KIF6: variants seen among roughly 807,000 people sequenced by gnomAD.
The protein encoded by KIF6 is kinesin-like protein KIF6.
In KIF6, 106 loss-of-function variants were observed where a neutral mutation model predicts 112.7. The observed-to-expected ratio is 0.94, with a 90% confidence interval of 0.80 to 1.11. KIF6 has a LOEUF of 1.11. KIF6 is among the 50% of genes least tolerant of loss of function. The pLI is 0.00. For synonymous variants in KIF6, 339 were observed against 339.9 expected, an observed-to-expected ratio of 1.00 and a Z score of 0.03; for missense variants, 929 against 964.0, an observed-to-expected ratio of 0.96 and a Z score of 0.48.
At chr6:39,534,076 A>G (rs1168941371) in intron 13 of KIF6, among the ~76,000 whole-genome samples, 2 of 152,222 alleles carry the variant, frequency 1.3e-5, no homozygotes, top group Non-Finnish European at 2.9e-5. Context: ...CAGCATCATC[A>G]AAGACCAAAA....
intron 2 of KIF6, among the ~76,000 whole-genome samples, chr6:39,717,772 G>C (rs1043717292): frequency 4.6e-5 from 7 of 152,074 alleles, no homozygotes; most frequent in African/African-American, 1.7e-4. Context: ...GGGGAAAACA[G>C]CCTTTAAAAT....
intron 15 of KIF6, among the ~76,000 whole-genome samples, chr6:39,415,621 G>C (rs1480487140): frequency 6.6e-6 from 1 of 152,222 alleles, no homozygotes; most frequent in Non-Finnish European, 1.5e-5. Flanking sequence ...AAACAGCCTG[G>C]ATGTTGTCTT....
intron 13 of KIF6, among the ~76,000 whole-genome samples, chr6:39,487,990 C>CATCTATCTATCTATCTATCTATCTATCT (rs1464871982): frequency 0.033 from 4,972 of 150,914 alleles, 119 homozygotes; most frequent in East Asian, 0.063. Context: ...CATTTATAGG[C>CATCTATCTATCTATCTATCTATCTATCT]ATCTATCTAT....
chr6:39,342,621 AT>A lies in KIF6; in HGVS notation c.2428+1087del, dbSNP rs962757165. Among the ~76,000 whole-genome samples, 2 of 84,604 alleles carry A rather than the reference AT, an allele frequency of 2.4e-5. No individual in the cohort carries two copies. Among genetic ancestry groups the A allele is most frequent in the Admixed American group, 9.6e-5 (1 of 10,426 alleles). 55.5% of individuals were successfully genotyped at this position (84,604 alleles called of 152,430 possible). ...TTTTTATTTTTTTTTATTTTTTTTT[AT>A]TTTTTTTTATTTTTAGACAAGGAAA... On this transcript the variant is annotated intron_variant, in intron 22 of 22. Coordinates refer to ENST00000287152, the MANE Select transcript of KIF6 (RefSeq NM_145027.6). This position sits in a 1 kb window ranked among gnomAD's most constrained non-coding sequence, Gnocchi z 4.7.
At chr6:39,498,875 G>A (rs1213642489) in intron 13 of KIF6, among the ~76,000 whole-genome samples, 1 of 152,194 alleles carries the variant, frequency 6.6e-6, no homozygotes, top group African/African-American at 2.4e-5. Flanking sequence ...GTAGGTAAAT[G>A]AGAGTGGCAT....
chr6:39,536,530 C>T (rs1582078680), intron 13 of KIF6, among the ~76,000 whole-genome samples: 1 of 152,064 alleles, frequency 6.6e-6, no homozygotes, highest in South Asian at 2.1e-4. Flanking sequence ...AGTTGAATCT[C>T]TGAATAGACC....
intron 13 of KIF6, among the ~76,000 whole-genome samples, chr6:39,530,984 T>G (rs13199465): frequency 0.09 from 13,748 of 152,190 alleles, 907 homozygotes; most frequent in South Asian, 0.2. Context: ...GCCGCCTTGA[T>G]TCATCCACAA....
At chr6:39,475,213 T>C (rs1182058310) in intron 13 of KIF6, among the ~76,000 whole-genome samples, 2 of 152,134 alleles carry the variant, frequency 1.3e-5, no homozygotes, top group Non-Finnish European at 2.9e-5. Context: ...TGGGTGGAGA[T>C]GGAAATAATT....
At position 39,714,682 on chromosome 6, in the gene KIF6, G is replaced by A. The variant is rs375320829; in HGVS notation, c.251+10C>T. 2 of 1,608,894 alleles carry A rather than the reference G, an allele frequency of 1.2e-6. No homozygotes were observed. Among genetic ancestry groups the A allele is most frequent in the South Asian group, 1.1e-5 (1 of 90,862 alleles). ...CACGAGCCCACTGAACAAAATATGG[G>A]AAATCCTACCTCCCAGCAACTGGTT... On this transcript the variant is annotated intron_variant, in intron 3 of 22. Coordinates refer to ENST00000287152, the MANE Select transcript of KIF6 (RefSeq NM_145027.6).
chr6:39,473,859 G>A (rs1774273870), intron 13 of KIF6, among the ~76,000 whole-genome samples: 1 of 152,054 alleles, frequency 6.6e-6, no homozygotes, highest in South Asian at 2.1e-4. Flanking sequence ...GATTAATTTG[G>A]TAACATGAGT....
chr6:39,715,996 T>G (rs1381152058), intron 2 of KIF6, among the ~76,000 whole-genome samples: 2 of 152,144 alleles, frequency 1.3e-5, no homozygotes, highest in Non-Finnish European at 2.9e-5. Flanking sequence ...AGGAGAATGA[T>G]GATAACGCTG....
In KIF6 at chr6:39,336,199, C is replaced by G. The variant is rs1250432271; in HGVS notation, c.*333G>C. On this transcript the variant is annotated 3_prime_UTR_variant, in exon 23 of 23. Transcript: ENST00000287152. The stretch of plus-strand genomic sequence containing the variant: ...ATTATATTTTGATGGTGCTATTTCA[C>G]ATTCTCAAAAGCTTATAAAGATCTA... The G allele has an allele frequency of 4.1e-6, 1 of 242,162 alleles. No homozygotes were observed. The highest frequency in any genetic ancestry group is 7.7e-6 in the Non-Finnish European group (1 of 130,340). The allele number at this position is 242,162 out of a possible 1,614,324, so 15.0% of individuals were successfully genotyped here.
chr6:39,406,887 T>C (rs1769124907), intron 15 of KIF6, among the ~76,000 whole-genome samples: 1 of 152,204 alleles, frequency 6.6e-6, no homozygotes, highest in Non-Finnish European at 1.5e-5. Flanking sequence ...TAGCTGGGAC[T>C]ATAGGCATGT....
intron 3 of KIF6, among the ~76,000 whole-genome samples, chr6:39,644,179 T>C (rs1157057025): frequency 6.6e-6 from 1 of 150,576 alleles, no homozygotes; most frequent in Non-Finnish European, 1.5e-5. Flanking sequence ...AAAGAGACAA[T>C]GAGAAGTGCT....
At chr6:39,543,302 G>A (rs1778891298) in intron 12 of KIF6, among the ~76,000 whole-genome samples, 1 of 152,130 alleles carries the variant, frequency 6.6e-6, no homozygotes, top group African/African-American at 2.4e-5. Context: ...GGAGATGGAT[G>A]GTGTAAGAGG....
intron 15 of KIF6, among the ~76,000 whole-genome samples, chr6:39,394,934 C>T (rs1409035438): frequency 6.6e-6 from 1 of 152,234 alleles, no homozygotes; most frequent in Admixed American, 6.5e-5. Flanking sequence ...GGCTCCCCAT[C>T]ACCTCGGCCC....
intron 16 of KIF6, among the ~76,000 whole-genome samples, chr6:39,368,720 C>T (rs1246751989): frequency 6.6e-6 from 1 of 152,224 alleles, no homozygotes; most frequent in Non-Finnish European, 1.5e-5. Flanking sequence ...GGTCAGCCCA[C>T]AGAATGCCCA....
chr6:39,517,824 C>T (rs1777166214), intron 13 of KIF6, among the ~76,000 whole-genome samples: 1 of 152,154 alleles, frequency 6.6e-6, no homozygotes, highest in Non-Finnish European at 1.5e-5. Flanking sequence ...TCAGAGAGAA[C>T]AACAGACTGC....
At position 39,625,531 on chromosome 6, in the gene KIF6, G is replaced by A. The variant is rs369015397; in HGVS notation, c.509+9318C>T. On this transcript the variant is annotated intron_variant, in intron 5 of 22. Transcript: ENST00000287152. The stretch of plus-strand genomic sequence containing the variant: ...GGAAAGCACCCCCAACTCCTCAAGA[G>A]GCTGCCATTCCAGCTGTGTCAGTAA... Among the ~76,000 whole-genome samples the A allele has an allele frequency of 2.9e-4, 44 of 152,216 alleles. No homozygotes were observed. The East Asian group carries it at 5.8e-3, about 20-fold the overall frequency.
Sources: gnomAD v4.1 joint callset for allele counts (sites outside exome capture counted in the v4.1 genomes callset) on GRCh38, gnomAD v4.1.1 for gene constraint, Gnocchi (gnomAD v3.1) non-coding constraint, MANE v1.5 for transcripts, NCBI Gene and HGNC (gene_info 2026-07-23, HGNC 2026-07-21) for gene names.